Variants in RBMS1 observed in about 807,000 individuals in gnomAD.
RBMS1 encodes RNA binding motif single stranded interacting protein 1.
In RBMS1, 17 loss-of-function variants were observed where a neutral mutation model predicts 62.3. The observed-to-expected ratio is 0.27, with a 90% CI of 0.19 to 0.41. The LOEUF is 0.41. Among genes scored for constraint, RBMS1 ranks in the 10% least tolerant of loss-of-function variants. The pLI is 1.00. For missense variants in RBMS1, 334 were observed against 504.5 expected, an observed-to-expected ratio of 0.66 and a Z score of 3.24; for synonymous variants, 172 against 170.0, an observed-to-expected ratio of 1.01 and a Z score of -0.09.
At chr2:160,332,213 A>T (rs1691314434) in intron 2 of RBMS1, among the ~76,000 whole-genome samples, 1 of 152,124 alleles carries the variant, frequency 6.6e-6, no homozygotes, top group Non-Finnish European at 1.5e-5. Flanking sequence ...AGAGGACTGG[A>T]CTTCTTGTTG....
At chr2:160,275,496 A>T in intron 13 of RBMS1, 134 bp downstream of exon 13, 1 of 1,396,172 alleles carries the variant, frequency 7.2e-7, no homozygotes, top group South Asian at 1.8e-5. Context: ...TTTCAACAAG[A>T]CTAGATGCCT....
chr2:160,424,930 A>G (rs1696583337), intron 1 of RBMS1, among the ~76,000 whole-genome samples: 2 of 152,208 alleles, frequency 1.3e-5, no homozygotes, highest in Non-Finnish European at 2.9e-5. Context: ...TGCCTTAAAA[A>G]TAATCAGGAA....
intron 2 of RBMS1, among the ~76,000 whole-genome samples, chr2:160,348,813 C>T (rs562094312): frequency 1.3e-5 from 2 of 152,056 alleles, no homozygotes; most frequent in South Asian, 2.1e-4. Context: ...TGAAAATTGA[C>T]GATTCATATA....
intron 2 of RBMS1, among the ~76,000 whole-genome samples, chr2:160,343,741 G>C (rs374990419): frequency 6.6e-6 from 1 of 152,122 alleles, no homozygotes; most frequent in Non-Finnish European, 1.5e-5. Context: ...AATAATTAGA[G>C]TGGAGCCCCT....
At chr2:160,307,748 AT>A (rs1412109727) in intron 4 of RBMS1, among the ~76,000 whole-genome samples, 1 of 152,226 alleles carries the variant, frequency 6.6e-6, no homozygotes, top group Admixed American at 6.5e-5. Context: ...CAATTATTTT[AT>A]TTGATCATCA....
At chr2:160,461,400 T>C (rs934079044) in intron 1 of RBMS1, among the ~76,000 whole-genome samples, 1 of 152,162 alleles carries the variant, frequency 6.6e-6, no homozygotes, top group Admixed American at 6.5e-5. Flanking sequence ...AGCATCTGAG[T>C]GAGAGGCAGG....
At chr2:160,331,266 T>A (rs1691255795) in intron 2 of RBMS1, among the ~76,000 whole-genome samples, 1 of 152,192 alleles carries the variant, frequency 6.6e-6, no homozygotes, top group Admixed American at 6.5e-5. Flanking sequence ...CAGGTCCCTG[T>A]CCTGCCCTGC....
chr2:160,314,397 G>A (rs945146772), intron 3 of RBMS1, among the ~76,000 whole-genome samples: 1 of 152,112 alleles, frequency 6.6e-6, no homozygotes, highest in African/African-American at 2.4e-5. Context: ...AGCATCATTG[G>A]AAGGTTGTTT....
At chr2:160,311,227 T>TCTCTCTCTCTCTCTCTCTCC (rs2105961942) in intron 4 of RBMS1, among the ~76,000 whole-genome samples, 1 of 89,168 alleles carries the variant, frequency 1.1e-5, no homozygotes, top group Admixed American at 1.2e-4. Flanking sequence ...TATCTATCTA[T>TCTCTCTCTCTCTCTCTCTCC]CTATCTATAT....
At chr2:160,413,342 A>G (rs947233730) in intron 1 of RBMS1, among the ~76,000 whole-genome samples, 10 of 124,068 alleles carry the variant, frequency 8.1e-5, no homozygotes, top group Admixed American at 6.9e-4. Flanking sequence ...AAAACAGGAG[A>G]AAAAAAAAGA....
intron 13 of RBMS1, among the ~76,000 whole-genome samples, 158 bp from the exon 14 acceptor site, chr2:160,274,922 G>C (rs1187920466): frequency 6.6e-6 from 1 of 152,136 alleles, no homozygotes; most frequent in East Asian, 1.9e-4. Flanking sequence ...GGAACTGATG[G>C]TTACTTTCAA....
At chr2:160,409,543 A>G (rs974973685) in intron 1 of RBMS1, among the ~76,000 whole-genome samples, 2 of 152,174 alleles carry the variant, frequency 1.3e-5, no homozygotes, top group Admixed American at 1.3e-4. Flanking sequence ...ATCAAGCACA[A>G]GTATAAAATA....
intron 2 of RBMS1, among the ~76,000 whole-genome samples, chr2:160,346,053 C>T (rs1047601918): frequency 1.6e-4 from 25 of 152,030 alleles, no homozygotes; most frequent in Admixed American, 1.6e-3. Context: ...AACAAATTTT[C>T]CCCAAATCTT....
chr2:160,388,518 T>A (rs767534677), intron 1 of RBMS1, among the ~76,000 whole-genome samples: 1 of 152,142 alleles, frequency 6.6e-6, no homozygotes, highest in Non-Finnish European at 1.5e-5. Flanking sequence ...CCACAGCTAA[T>A]CGGAATCTTC....
At chr2:160,388,150 T>G (rs1276912567) in intron 1 of RBMS1, among the ~76,000 whole-genome samples, 1 of 152,196 alleles carries the variant, frequency 6.6e-6, no homozygotes, top group East Asian at 1.9e-4. Flanking sequence ...ATTCTCTTAT[T>G]TGGCACCCAT....
chr2:160,340,267 T>TTTGAATTGATATTGAAATATTGATA (rs1322792713), intron 2 of RBMS1, among the ~76,000 whole-genome samples: 115 of 152,340 alleles, frequency 7.5e-4, no homozygotes, highest in Non-Finnish European at 1.4e-3. Context: ...GAGACAATTA[T>TTTGAATTGATATTGAAATATTGATA]TTGAAAACAT....
At chr2:160,406,866 T>C (rs960970887) in intron 1 of RBMS1, among the ~76,000 whole-genome samples, 1 of 152,214 alleles carries the variant, frequency 6.6e-6, no homozygotes, top group Non-Finnish European at 1.5e-5. Context: ...AGCATGTGTA[T>C]GACTCAGGCA....
At position 160,311,238 on chromosome 2, in the gene RBMS1, A is replaced by ATCTATATATCTATATATATC. The variant is rs1287458681; in HGVS notation, c.402+1917_402+1918insGATATATATAGATATATAGA. 2.5e-5 allele frequency among the ~76,000 whole-genome samples: 3 copies of ATCTATATATCTATATATATC among 119,248 alleles called. 1 individual carries two copies. Among genetic ancestry groups the ATCTATATATCTATATATATC allele is most frequent in the Admixed American group, 1.7e-4 (2 of 11,520 alleles). The allele number at this position is 119,248 out of a possible 152,430, so 78.2% of individuals were successfully genotyped here. On this transcript the variant is annotated intron_variant, in intron 4 of 13. Transcript: ENST00000348849. ...TATCTATCTATCTATCTATCTATAT[A>ATCTATATATCTATATATATC]TATATATATATATATATATAGTCTG... is the stretch of plus-strand genomic sequence containing the variant.
At position 160,493,487 on chromosome 2, in the gene RBMS1, C is replaced by A; in HGVS notation, c.-124G>T. 1.3e-6 allele frequency: 1 copy of A among 792,396 alleles called. No homozygotes were observed. 49.1% of individuals were successfully genotyped at this position (792,396 alleles called of 1,614,324 possible). A position where few individuals can be genotyped will look rare whatever the true frequency, so the allele number is the denominator to read the frequency against. On this transcript the variant is annotated 5_prime_UTR_variant, in exon 1 of 14. Transcript: ENST00000348849. ...GCGGCGGCGGCGGCGGCTGCTGCTG[C>A]TGCCGCTGCTCCACCTCCCAGCCGG... is the stretch of plus-strand genomic sequence containing the variant.
Sources: allele counts gnomAD v4.1 joint callset (sites outside exome capture counted in the v4.1 genomes callset), GRCh38; gene constraint gnomAD v4.1.1; transcripts MANE v1.5; gene names NCBI Gene and HGNC (gene_info 2026-07-23, HGNC 2026-07-21).